The following CCDC40 variants were observed in gnomAD, a reference collection of about 807,000 sequenced individuals.
CCDC40 encodes coiled-coil domain 40 molecular ruler complex subunit.
CCDC40 carries 104 observed loss-of-function variants against 124.5 expected under a neutral mutation model. The observed-to-expected ratio is 0.84, with a 90% confidence interval of 0.71 to 0.98. The LOEUF is 0.98. Ranked by LOEUF, CCDC40 falls within the 50% of genes least tolerant of loss-of-function variation. CCDC40 has a pLI of 0.00. For synonymous variants in CCDC40, 580 were observed against 602.9 expected (o/e 0.96, Z 0.56); for missense variants, 1,463 against 1,503.9 (o/e 0.97, Z 0.45).
Position 80,095,436 on chromosome 17 carries a change from C to T in CCDC40, c.3006C>T (p.Ile1002=). ...AGCAGCTTGAGCTGCGCCGGAAAAT[C>T]AGGGACGTTCGCAAGGTAGGGAGCA... ...HHKQLELRRK[I]RDVRKATDEC... The change falls in exon 18 of 20, where the codon ATC becomes ATT. Residue 1002 remains isoleucine, a synonymous_variant. Coordinates refer to ENST00000397545, the MANE Select transcript of CCDC40 (RefSeq NM_017950.4). 6.2e-7 allele frequency: 1 copy of T among 1,614,172 alleles called. No homozygotes were observed. Among genetic ancestry groups the T allele is most frequent in the Non-Finnish European group, 8.5e-7 (1 of 1,180,036 alleles).
At chr17:80,068,115 C>T (rs2038096117) in intron 10 of CCDC40, 2 of 372,074 alleles carry the variant, frequency 5.4e-6, no homozygotes, top group South Asian at 1.1e-4. Flanking sequence ...CTCACTGCGA[C>T]CTCCGCCTCC....
rs2038057219 is a variant in CCDC40, at chr17:80,066,734, C to CAGG, written c.1562+1129_1562+1130insGGA. On this transcript the variant is annotated intron_variant, in intron 10 of 19. Transcript: ENST00000397545. This position sits in a 1 kb window ranked among gnomAD's most constrained non-coding sequence, Gnocchi z 4.4. ...CTGCACTCTAGCCTGGGAGACAGAG[C>CAGG]AAGACTCTGTCTCAAAAAAAATAAA... The CAGG allele has an allele frequency of 6.5e-6, 1 of 152,890 alleles. No individual in the cohort carries two copies. The allele number at this position is 152,890 out of a possible 1,614,324, so 9.5% of individuals were successfully genotyped here. A position where few individuals can be genotyped will look rare whatever the true frequency, so the allele number is the denominator to read the frequency against.
chr17:80,052,857 G>T (rs759174442), intron 7 of CCDC40, among the ~76,000 whole-genome samples: 10 of 152,140 alleles, frequency 6.6e-5, no homozygotes, highest in Admixed American at 2.6e-4. Context: ...AGAGGACATT[G>T]CATCCATAAA....
chr17:80,071,408 G>A (rs370337628), intron 10 of CCDC40, among the ~76,000 whole-genome samples: 69 of 152,280 alleles, frequency 4.5e-4, no homozygotes, highest in African/African-American at 1.4e-3. Context: ...CAAAAGCCAC[G>A]GGCAGTGTCC....
Position 80,048,632 on chromosome 17 carries a change from A to G in CCDC40, c.726A>G (p.Pro242=). 1 of 1,614,040 alleles carries G rather than the reference A, an allele frequency of 6.2e-7. No homozygotes were observed. Among genetic ancestry groups the G allele is most frequent in the South Asian group, 1.1e-5 (1 of 91,078 alleles). The stretch of plus-strand genomic sequence containing the variant: ...CCCACCCCAGGGAAGGAGACCTGCC[A>G]GTGTTCCAGGACCAGATCCAGCAGC... ...PDAHPREGDL[P]VFQDQIQQPS... Residue 242 remains proline (P), a synonymous_variant, in exon 5 of 20, where the codon CCA becomes CCG. Transcript: ENST00000397545.
intron 3 of CCDC40, among the ~76,000 whole-genome samples, chr17:80,043,196 C>CT (rs2037325745): frequency 6.6e-6 from 1 of 152,206 alleles, no homozygotes; most frequent in Admixed American, 6.5e-5. Context: ...TTAAACCAGC[C>CT]TTTGTGTGAT....
intron 9 of CCDC40, among the ~76,000 whole-genome samples, chr17:80,064,606 C>T (rs1257981317): frequency 6.6e-6 from 1 of 152,122 alleles, no homozygotes; most frequent in Non-Finnish European, 1.5e-5. Context: ...GCCTTAACCT[C>T]TGTGCCCCAA....
Position 80,061,595 on chromosome 17 carries a change from G to A in CCDC40, c.1440+2615G>A, listed in dbSNP as rs181365041. 5.1e-4 allele frequency among the ~76,000 whole-genome samples: 77 copies of A among 152,226 alleles called. No individual in the cohort carries two copies. The South Asian group carries it at 9.9e-3, about 20-fold the overall frequency. ...CTTTTGCACCTCCCGCCCTCCCCTCGATGCAACTTCCCCAGGGAAGGGGGC... is the reference window on the plus strand; with the variant it reads ...CTTTTGCACCTCCCGCCCTCCCCTCAATGCAACTTCCCCAGGGAAGGGGGC... On this transcript the variant is annotated intron_variant, in intron 9 of 19. Transcript: ENST00000397545.
At chr17:80,064,776 G>T (rs1245217370) in intron 9 of CCDC40, among the ~76,000 whole-genome samples, 1 of 148,900 alleles carries the variant, frequency 6.7e-6, no homozygotes, top group East Asian at 2.0e-4. Context: ...TGCCTGACCT[G>T]CCCACCCCTG....
chr17:80,099,435 C>T (rs577339233), intron 19 of CCDC40, 92 bp from the exon 20 acceptor site: 31 of 1,475,006 alleles, frequency 2.1e-5, no homozygotes, highest in South Asian at 1.0e-4. Flanking sequence ...GCCTCCTCTT[C>T]GGCATTTCCT....
At chr17:80,088,990 T>G (rs1261565014) in intron 16 of CCDC40, among the ~76,000 whole-genome samples, 2 of 152,210 alleles carry the variant, frequency 1.3e-5, no homozygotes, top group African/African-American at 4.8e-5. Flanking sequence ...GGTGTCTGAT[T>G]ATTAAAGTAA....
At chr17:80,092,453 C>T (rs937012344) in intron 17 of CCDC40, among the ~76,000 whole-genome samples, 2 of 152,166 alleles carry the variant, frequency 1.3e-5, no homozygotes, top group African/African-American at 4.8e-5. Flanking sequence ...ATACCCCAGC[C>T]GCCATGACAG....
At chr17:80,096,512 G>T (rs973920001) in intron 18 of CCDC40, among the ~76,000 whole-genome samples, 1 of 151,762 alleles carries the variant, frequency 6.6e-6, no homozygotes, top group Non-Finnish European at 1.5e-5. Context: ...TTCCTAGCCC[G>T]GCCCCTGACC....
chr17:80,084,868 C>A lies in CCDC40; in HGVS notation c.2115C>A (p.Val705=). The change falls in exon 13 of 20, where the codon GTC becomes GTA. Residue 705 remains valine, a synonymous_variant. Coordinates refer to ENST00000397545, the MANE Select transcript of CCDC40 (RefSeq NM_017950.4). ...AGCTGGACCAGGACGTGAAGAAAGT[C>A]AACGAGCTCATCACCAACAGCCAGA... is the stretch of plus-strand genomic sequence containing the variant. ...LVELDQDVKK[V]NELITNSQSE... is the part of the protein sequence containing the mutation. The A allele has an allele frequency of 1.2e-6, 2 of 1,614,160 alleles. No individual in the cohort carries two copies. Among genetic ancestry groups the A allele is most frequent in the Non-Finnish European group, 1.7e-6 (2 of 1,180,036 alleles).
Position 80,040,152 on chromosome 17 carries a change from C to CCA in CCDC40, c.436_437dup (p.Gly147ProfsTer21). The CCA allele has an allele frequency of 6.2e-7, 1 of 1,613,856 alleles. No homozygotes were observed. The highest frequency in any genetic ancestry group is 8.5e-7 in the Non-Finnish European group (1 of 1,179,852). On this transcript the variant is annotated frameshift_variant, in exon 3 of 20. Transcript: ENST00000397545. LOFTEE classifies it high-confidence loss of function. Reference sequence around the variant, plus strand: ...GGTCTCCAAGGCTTCCAGCAAGAGGCCACCGGTCCACCAGAATCCAGAGAA... The same window carrying CCA: ...GGTCTCCAAGGCTTCCAGCAAGAGGCCACACCGGTCCACCAGAATCCAGAGAA...
intron 12 of CCDC40, among the ~76,000 whole-genome samples, chr17:80,083,401 G>C (rs1273258226): frequency 1.3e-5 from 2 of 152,224 alleles, no homozygotes; most frequent in Non-Finnish European, 2.9e-5. Flanking sequence ...GTGGTGGCCA[G>C]TGAGAGACAT....
intron 10 of CCDC40, among the ~76,000 whole-genome samples, chr17:80,078,102 T>C (rs71389729): frequency 0.13 from 20,070 of 151,850 alleles, 1,400 homozygotes; most frequent in East Asian, 0.25. Context: ...GAGGCCAAGG[T>C]GGGCGGATCA....
At position 80,058,845 on chromosome 17, in the gene CCDC40, T is replaced by TC; in HGVS notation, c.1318-11dup. 6.2e-7 allele frequency: 1 copy of TC among 1,614,112 alleles called. No homozygotes were observed. The highest frequency in any genetic ancestry group is 1.1e-5 in the South Asian group (1 of 91,078). ...CACCTCCTGACGGGGCTGCTTCTCATCCTGTTTCCCAGGACCTGTATGTGG... is the reference window on the plus strand; with the variant it reads ...CACCTCCTGACGGGGCTGCTTCTCATCCCTGTTTCCCAGGACCTGTATGTGG... On this transcript the variant is annotated splice_polypyrimidine_tract_variant and intron_variant, in intron 8 of 19. Transcript: ENST00000397545. The surrounding 1 kb of genome is among the most constrained non-coding windows in gnomAD (Gnocchi z 4.2).
intron 17 of CCDC40, among the ~76,000 whole-genome samples, chr17:80,092,399 C>T (rs1452310754): frequency 6.6e-6 from 1 of 152,114 alleles, no homozygotes; most frequent in Non-Finnish European, 1.5e-5. Context: ...GATATATTTC[C>T]TCATCCTCGA....
Sources: allele counts gnomAD v4.1 joint callset (sites outside exome capture counted in the v4.1 genomes callset), GRCh38; gene constraint gnomAD v4.1.1; non-coding constraint Gnocchi (gnomAD v3.1); transcripts MANE v1.5; gene names NCBI Gene and HGNC (gene_info 2026-07-23, HGNC 2026-07-21).